TRIP12: variants seen among roughly 807,000 people sequenced by gnomAD.
The protein encoded by TRIP12 is thyroid hormone receptor interactor 12, also known as E3 ubiquitin-protein ligase TRIP12.
Under a neutral mutation model 244.2 loss-of-function variants are expected in TRIP12, and 25 were observed. The observed-to-expected ratio is 0.10, with a 90% confidence interval of 0.07 to 0.14. The LOEUF is 0.14. Ranked by LOEUF, TRIP12 falls within the 10% of genes least tolerant of loss-of-function variation. TRIP12 has a pLI of 1.00. For synonymous variants in TRIP12, 905 were observed against 873.1 expected (o/e 1.04, Z -0.64); for missense variants, 1,677 against 2,486.4 (o/e 0.67, Z 6.92).
chr2:229,775,947 T>G (rs977875421), intron 37 of TRIP12, among the ~76,000 whole-genome samples: 5 of 152,008 alleles, frequency 3.3e-5, no homozygotes, highest in Admixed American at 6.6e-5. Flanking sequence ...CAATAAAGGA[T>G]AGAACAAATC....
intron 8 of TRIP12, among the ~76,000 whole-genome samples, chr2:229,827,010 G>A (rs2051838288): frequency 6.6e-6 from 1 of 152,016 alleles, no homozygotes; most frequent in Non-Finnish European, 1.5e-5. Flanking sequence ...GCCAGGCATG[G>A]TGGCTCATGC....
chr2:229,827,494 A>T (rs2052027863), intron 8 of TRIP12, among the ~76,000 whole-genome samples: 1 of 151,866 alleles, frequency 6.6e-6, no homozygotes, highest in East Asian at 1.9e-4. Flanking sequence ...TTGGTTATTA[A>T]ACTGTCTTTT....
intron 4 of TRIP12, among the ~76,000 whole-genome samples, chr2:229,847,318 T>C (rs2154320146): frequency 6.6e-6 from 1 of 152,330 alleles, no homozygotes; most frequent in African/African-American, 2.4e-5. Context: ...GGACATCAAA[T>C]GTCTATTTCA....
chr2:229,814,446 T>C lies in TRIP12; in HGVS notation c.1732-121A>G, dbSNP rs2048009019. ...ACTATCTCTAACATGTAACCCACCATAGGATGCAAGTCACTTAGCAGCTTA... is the reference window on the plus strand; with the variant it reads ...ACTATCTCTAACATGTAACCCACCACAGGATGCAAGTCACTTAGCAGCTTA... On this transcript the variant is annotated intron_variant, in intron 11 of 41. Transcript: ENST00000675903. The C allele has an allele frequency of 3.4e-6, 3 of 889,434 alleles. No individual in the cohort carries two copies. In the South Asian group the frequency reaches 6.2e-5, roughly 18 times the overall value. The allele number at this position is 889,434 out of a possible 1,614,324, so 55.1% of individuals were successfully genotyped here.
At chr2:229,904,963 G>A (rs995714233) in intron 1 of TRIP12, among the ~76,000 whole-genome samples, 2 of 152,188 alleles carry the variant, frequency 1.3e-5, no homozygotes, top group Non-Finnish European at 2.9e-5. Context: ...CTGTGAATCT[G>A]AAACTGACCT....
chr2:229,917,368 G>A (rs1445162858), intron 1 of TRIP12, among the ~76,000 whole-genome samples: 18 of 77,756 alleles, frequency 2.3e-4, no homozygotes, highest in South Asian at 4.4e-4. Context: ...GCAACAGAGC[G>A]AGACTCTGTC....
intron 1 of TRIP12, among the ~76,000 whole-genome samples, chr2:229,899,250 C>A (rs1031765870): frequency 6.6e-6 from 1 of 152,028 alleles, no homozygotes; most frequent in Non-Finnish European, 1.5e-5. Context: ...AATTTATATA[C>A]GCAATCACTT....
At chr2:229,856,535 A>C (rs1243935379) in intron 4 of TRIP12, among the ~76,000 whole-genome samples, 1 of 152,214 alleles carries the variant, frequency 6.6e-6, no homozygotes, top group African/African-American at 2.4e-5. Flanking sequence ...ATGACACTCA[A>C]GTACAATCTG....
intron 32 of TRIP12, among the ~76,000 whole-genome samples, chr2:229,788,554 C>A (rs976251112): frequency 3.3e-5 from 5 of 152,190 alleles, no homozygotes; most frequent in African/African-American, 1.2e-4. Flanking sequence ...TTTTGACTAT[C>A]CTCAGCCAAA....
At position 229,803,682 on chromosome 2, in the gene TRIP12, C is replaced by T. The variant is rs144458999; in HGVS notation, c.2887G>A (p.Ala963Thr). ...LKNHAVSSHI[A>T]SMLSSQDLKI... ...AGGTCTTGGCTTGACAGCATGGAAGCAATGTGACTAAAAAAAGAAAGCATT... is the reference window on the plus strand; with the variant it reads ...AGGTCTTGGCTTGACAGCATGGAAGTAATGTGACTAAAAAAAGAAAGCATT... The change falls in exon 20 of 42, where the codon GCT (alanine) becomes ACT (threonine). Residue 963 changes from alanine (A) to threonine (T), a missense_variant. By Grantham distance (58) the Ala-to-Thr change is moderately conservative. Around this residue, in one of 11 missense-constraint regions of TRIP12, gnomAD observed 572 missense variants for 867.8 expected, o/e 0.66. Transcript: ENST00000675903. 10 of 1,593,936 alleles carry T rather than the reference C, an allele frequency of 6.3e-6. No homozygotes were observed. The highest frequency in any genetic ancestry group is 1.7e-4 in the Middle Eastern group (1 of 5,954).
At chr2:229,784,513 G>GAA (rs796545176) in intron 34 of TRIP12, among the ~76,000 whole-genome samples, 5 of 57,846 alleles carry the variant, frequency 8.6e-5, no homozygotes, top group Non-Finnish European at 1.3e-4. Context: ...GCACAAACAA[G>GAA]AAAAAAAAAA....
chr2:229,829,396 G>A (rs558355331), intron 7 of TRIP12, 108 bp from the exon 8 acceptor site: 11 of 830,192 alleles, frequency 1.3e-5, no homozygotes, highest in Non-Finnish European at 2.0e-5. Context: ...TTCAGTCAAT[G>A]TTACTTTGCT....
rs778178160 is a variant in TRIP12 at position 229,851,570 on chromosome 2, G to A, written c.1027+7202C>T. On this transcript the variant is annotated intron_variant, in intron 4 of 41. Transcript: ENST00000675903. Reference sequence around the variant, plus strand: ...GCTCGGGTCCCCTTCCACACTGGAAGCTTTGTTCTTTCACTCTTTGCAATA... The same window carrying A: ...GCTCGGGTCCCCTTCCACACTGGAAACTTTGTTCTTTCACTCTTTGCAATA... Among the ~76,000 whole-genome samples, 139 of 152,154 alleles carry A rather than the reference G, an allele frequency of 9.1e-4. 2 individuals are homozygous for A. The highest frequency in any genetic ancestry group is 5.2e-4 in the Admixed American group (8 of 15,276).
rs1256008303 is a variant in TRIP12 at position 229,767,455 on chromosome 2, G to A, written c.*99C>T. Reference sequence around the variant, plus strand: ...CAAGCCGTTTTTCCTACAACAAGAAGGCGTAACATGTTTCCTTGACTCAGG... The same window carrying A: ...CAAGCCGTTTTTCCTACAACAAGAAAGCGTAACATGTTTCCTTGACTCAGG... On this transcript the variant is annotated 3_prime_UTR_variant, in exon 42 of 42. Coordinates refer to ENST00000675903, the MANE Select transcript of TRIP12 (RefSeq NM_001348323.3). 2.1e-6 allele frequency: 3 copies of A among 1,397,264 alleles called. No homozygotes were observed. The highest frequency in any genetic ancestry group is 2.9e-6 in the Non-Finnish European group (3 of 1,050,584). 86.6% of individuals were successfully genotyped at this position (1,397,264 alleles called of 1,614,324 possible).
intron 38 of TRIP12, among the ~76,000 whole-genome samples, chr2:229,773,262 G>A (rs1262806245): frequency 6.6e-6 from 1 of 152,070 alleles, no homozygotes. Context: ...TTTTAGTAGA[G>A]ATGGGGTTTC....
In TRIP12 at chr2:229,788,779, A is replaced by G. The variant is rs768513443; in HGVS notation, c.4838+19T>C. 10 of 1,610,104 alleles carry G rather than the reference A, an allele frequency of 6.2e-6. No homozygotes were observed. In the South Asian group the frequency reaches 1.1e-4, roughly 18 times the overall value. On this transcript the variant is annotated intron_variant, in intron 32 of 41. Coordinates refer to ENST00000675903, the MANE Select transcript of TRIP12 (RefSeq NM_001348323.3). ...CAGTAACATTTCCAAGGCCACCATT[A>G]CAGAAGTGATTGTCTTACCAGGTTT...
At chr2:229,874,324 C>T (rs1576459654) in intron 2 of TRIP12, among the ~76,000 whole-genome samples, 2 of 152,106 alleles carry the variant, frequency 1.3e-5, no homozygotes, top group African/African-American at 4.8e-5. Flanking sequence ...TGAGGACTCT[C>T]ATGAAGTATT....
chr2:229,800,956 GGAAA>G (rs2044155851), intron 21 of TRIP12, among the ~76,000 whole-genome samples: 1 of 152,094 alleles, frequency 6.6e-6, no homozygotes, highest in Non-Finnish European at 1.5e-5. Flanking sequence ...ATTTTTAAAG[GGAAA>G]GAAATACTGC....
chr2:229,807,183 AG>A (rs1212864045), intron 17 of TRIP12: 1 of 155,240 alleles, frequency 6.4e-6, no homozygotes, highest in African/African-American at 2.4e-5. Flanking sequence ...AATATTGTAT[AG>A]TGTTTTTCAT....
Sources: gnomAD v4.1 joint callset for allele counts (sites outside exome capture counted in the v4.1 genomes callset) on GRCh38, gnomAD v4.1.1 for gene constraint, gnomAD v4.1.1 regional missense constraint, MANE v1.5 for transcripts, NCBI Gene and HGNC (gene_info 2026-07-23, HGNC 2026-07-21) for gene names.